RBFOX1: variants seen among roughly 807,000 people sequenced by gnomAD.
RBFOX1 encodes RNA binding fox-1 homolog 1.
Under a neutral mutation model 57.7 loss-of-function variants are expected in RBFOX1, and 8 were observed. The ratio of observed to expected loss-of-function variants is 0.14; its 90% CI spans 0.08 to 0.25. The LOEUF is 0.25. RBFOX1 is among the 10% of genes least tolerant of loss of function. The pLI, the probability that RBFOX1 is intolerant of heterozygous loss-of-function variation, is 1.00. For missense variants in RBFOX1, 611 were observed against 548.5 expected, an observed-to-expected ratio of 1.11 and a Z score of -1.14; for synonymous variants, 326 against 222.4, an observed-to-expected ratio of 1.47 and a Z score of -4.15.
intron 4 of RBFOX1, among the ~76,000 whole-genome samples, chr16:7,401,148 C>T (rs1041433172): frequency 6.6e-6 from 1 of 152,126 alleles, no homozygotes; most frequent in Non-Finnish European, 1.5e-5. Context: ...ATCTAAGCTG[C>T]CTGATGAAGC....
chr16:6,144,636 C>T (rs368963551), intron 1 of RBFOX1, among the ~76,000 whole-genome samples: 2 of 152,350 alleles, frequency 1.3e-5, no homozygotes, highest in East Asian at 1.9e-4. Context: ...GCTCACGCTG[C>T]AGCTTCTGCC....
At chr16:7,483,429 A>G (rs2064537321) in intron 4 of RBFOX1, among the ~76,000 whole-genome samples, 1 of 152,222 alleles carries the variant, frequency 6.6e-6, no homozygotes, top group Admixed American at 6.5e-5. Flanking sequence ...AATGTGTGTC[A>G]TGTAAAAATA....
At chr16:5,571,937 T>C (rs2046298211) in intron 2 of RBFOX1, among the ~76,000 whole-genome samples, 1 of 152,216 alleles carries the variant, frequency 6.6e-6, no homozygotes. Flanking sequence ...GCCCGGCCCA[T>C]CTTTGTCTTT....
rs1010612170 is a variant in RBFOX1, at chr16:7,696,920, C to T, written c.996-12136C>T. On this transcript the variant is annotated intron_variant, in intron 14 of 15. Coordinates refer to ENST00000550418, the MANE Select transcript of RBFOX1 (RefSeq NM_018723.4). ...GTGGTTGAGACATACTTGAGGTGTCCAGGAGTAAGACATCCAGTGTGGCCC... is the reference window on the plus strand; with the variant it reads ...GTGGTTGAGACATACTTGAGGTGTCTAGGAGTAAGACATCCAGTGTGGCCC... Among the ~76,000 whole-genome samples, 37 of 152,000 alleles carry T rather than the reference C, an allele frequency of 2.4e-4. 1 individual carries two copies. Among genetic ancestry groups the T allele is most frequent in the Admixed American group, 2.1e-3 (32 of 15,256 alleles).
intron 3 of RBFOX1, among the ~76,000 whole-genome samples, chr16:5,712,053 T>A (rs1313614464): frequency 6.6e-6 from 1 of 152,198 alleles, no homozygotes. Context: ...AAAGCAGGCA[T>A]GTCTTACATG....
intron 12 of RBFOX1, 122 bp from the exon 13 acceptor site, chr16:7,664,807 G>A (rs1227310597): frequency 7.6e-6 from 12 of 1,571,024 alleles, no homozygotes; most frequent in African/African-American, 6.8e-5. Flanking sequence ...ATGTGAAAAC[G>A]ATCCTCGGTT....
At chr16:7,157,085 A>T (rs1039468736) in intron 4 of RBFOX1, among the ~76,000 whole-genome samples, 1 of 152,194 alleles carries the variant, frequency 6.6e-6, no homozygotes. Flanking sequence ...GCTACTAAAT[A>T]TTCAGCCACT....
intron 3 of RBFOX1, among the ~76,000 whole-genome samples, chr16:5,711,581 G>C (rs750691485): frequency 6.6e-6 from 1 of 152,204 alleles, no homozygotes; most frequent in Non-Finnish European, 1.5e-5. Flanking sequence ...GGCAAAGGCC[G>C]TGGTCATAGG....
chr16:5,898,256 C>T (rs753802172), intron 4 of RBFOX1, among the ~76,000 whole-genome samples: 2 of 152,156 alleles, frequency 1.3e-5, no homozygotes, highest in Non-Finnish European at 2.9e-5. Flanking sequence ...TACCAGGTCC[C>T]TTCCATGACA....
intron 5 of RBFOX1, among the ~76,000 whole-genome samples, chr16:7,541,334 C>A (rs2082868487): frequency 6.6e-6 from 1 of 152,210 alleles, no homozygotes; most frequent in Non-Finnish European, 1.5e-5. Context: ...AAAGGACCAG[C>A]TCCACGTGAA....
chr16:6,448,739 A>C (rs2094535904), intron 2 of RBFOX1, among the ~76,000 whole-genome samples: 1 of 152,168 alleles, frequency 6.6e-6, no homozygotes, highest in South Asian at 2.1e-4. Context: ...ATGAAAGTAT[A>C]TGTGCTTCAG....
At chr16:5,384,801 G>A (rs888620850) in intron 1 of RBFOX1, among the ~76,000 whole-genome samples, 2 of 152,118 alleles carry the variant, frequency 1.3e-5, no homozygotes, top group East Asian at 1.9e-4. Context: ...ACTTTTGGCA[G>A]GATGCTTCAC....
intron 7 of RBFOX1, among the ~76,000 whole-genome samples, chr16:7,589,607 G>A (rs1326817265): frequency 6.6e-6 from 1 of 151,802 alleles, no homozygotes; most frequent in Non-Finnish European, 1.5e-5. Flanking sequence ...GACTGTTTAG[G>A]TACTGCTGGA....
intron 3 of RBFOX1, among the ~76,000 whole-genome samples, chr16:6,727,527 G>C (rs2067523711): frequency 6.6e-6 from 1 of 152,026 alleles, no homozygotes; most frequent in South Asian, 2.1e-4. Flanking sequence ...ATTAGCGTGA[G>C]CCAGGAGTTT....
intron 2 of RBFOX1, among the ~76,000 whole-genome samples, chr16:5,502,302 C>A (rs2043226360): frequency 6.6e-6 from 1 of 152,144 alleles, no homozygotes; most frequent in Admixed American, 6.5e-5. Context: ...GTCCTCCCGT[C>A]CCTGTGTGAC....
At chr16:7,510,614 T>G (rs576041041) in intron 4 of RBFOX1, among the ~76,000 whole-genome samples, 1 of 152,334 alleles carries the variant, frequency 6.6e-6, no homozygotes, top group African/African-American at 2.4e-5. Context: ...TTTTCTTCTT[T>G]GTTTGAATGC....
chr16:5,839,805 G>T (rs1013875863), intron 3 of RBFOX1, among the ~76,000 whole-genome samples: 1 of 152,122 alleles, frequency 6.6e-6, no homozygotes, highest in Non-Finnish European at 1.5e-5. Flanking sequence ...TTTTCTTGAG[G>T]CTATTTTTAA....
At chr16:6,525,444 C>G (rs768440479) in intron 2 of RBFOX1, among the ~76,000 whole-genome samples, 1 of 152,182 alleles carries the variant, frequency 6.6e-6, no homozygotes, top group Non-Finnish European at 1.5e-5. Context: ...TATAAGGTAT[C>G]TTAAAAGTCA....
intron 4 of RBFOX1, among the ~76,000 whole-genome samples, chr16:7,367,409 T>A (rs1450497554): frequency 1.3e-5 from 2 of 152,226 alleles, no homozygotes; most frequent in African/African-American, 4.8e-5. Context: ...CTCTCTTCGA[T>A]GGATTCCATG....
Sources: allele counts gnomAD v4.1 joint callset (sites outside exome capture counted in the v4.1 genomes callset), GRCh38; gene constraint gnomAD v4.1.1; transcripts MANE v1.5; gene names NCBI Gene and HGNC (gene_info 2026-07-23, HGNC 2026-07-21).